The following FBXL20 variants were observed in gnomAD, a reference collection of about 807,000 sequenced individuals.
FBXL20 encodes F-box/LRR-repeat protein 20.
A neutral mutation model predicts 64.0 loss-of-function variants in FBXL20; 11 were observed. The ratio of observed to expected loss-of-function variants is 0.17; its 90% CI spans 0.11 to 0.28. The LOEUF (loss-of-function observed/expected upper bound fraction) is 0.28. FBXL20 is among the 10% of genes least tolerant of loss of function. FBXL20 has a pLI of 1.00. For synonymous variants in FBXL20, 184 were observed against 189.0 expected (o/e 0.97, Z 0.22); for missense variants, 303 against 526.2 (o/e 0.58, Z 4.15).
chr17:39,358,538 C>A (rs2047763703), intron 1 of FBXL20, among the ~76,000 whole-genome samples: 3 of 152,042 alleles, frequency 2.0e-5, no homozygotes, highest in Admixed American at 6.6e-5. Context: ...CAAAGATTAT[C>A]CGGGCGTGGT....
chr17:39,381,954 C>T (rs546448037), intron 1 of FBXL20, among the ~76,000 whole-genome samples: 3 of 151,336 alleles, frequency 2.0e-5, no homozygotes, highest in South Asian at 2.1e-4. Context: ...ATTAGCTGGG[C>T]GTGGTGGCAC....
intron 1 of FBXL20, among the ~76,000 whole-genome samples, chr17:39,355,619 G>A (rs1019221980): frequency 2.0e-5 from 3 of 152,170 alleles, no homozygotes; most frequent in Admixed American, 6.5e-5. Context: ...ACTTTGGGAG[G>A]CCAAGGCGGG....
rs1036474242 is a variant in FBXL20, at chr17:39,368,700, G to C, written c.43-25459C>G. Among the ~76,000 whole-genome samples the C allele has an allele frequency of 1.1e-3, 161 of 152,206 alleles. 1 individual carries two copies. Among genetic ancestry groups the C allele is most frequent in the African/African-American group, 3.7e-3 (155 of 41,542 alleles). On this transcript the variant is annotated intron_variant, in intron 1 of 14. Transcript: ENST00000264658. The stretch of plus-strand genomic sequence containing the variant: ...AGATGGTGTCTCGCTCTGTTGCCCA[G>C]GCTAGAGTGCAGTGGTGCAATCTTA...
At chr17:39,352,745 T>TGCGCTCGGCCTACATTTGTGTTTGTTTTG (rs2047699888) in intron 1 of FBXL20, among the ~76,000 whole-genome samples, 1 of 151,284 alleles carries the variant, frequency 6.6e-6, no homozygotes, top group Non-Finnish European at 1.5e-5. Flanking sequence ...CAGTGACCCC[T>TGCGCTCGGCCTACATTTGTGTTTGTTTTG]ATTGCTTAAA....
chr17:39,402,283 T>TGCC (rs951681719), upstream of FBXL20: 51 of 1,152,672 alleles, frequency 4.4e-5, no homozygotes, highest in South Asian at 2.2e-4. Flanking sequence ...CCTCCGCGGT[T>TGCC]GCCGCCGCCG....
intron 2 of FBXL20, among the ~76,000 whole-genome samples, chr17:39,339,165 C>CAAAAA (rs59901064): frequency 1.3e-4 from 9 of 67,996 alleles, no homozygotes; most frequent in African/African-American, 2.8e-4. Context: ...GACCCTGTCT[C>CAAAAA]AAAAAAAAAA....
chr17:39,401,632 C>T (rs1457995717), upstream of FBXL20: 34 of 1,382,668 alleles, frequency 2.5e-5, no homozygotes, highest in Non-Finnish European at 3.2e-5. Context: ...TCTCCTCAGC[C>T]TCAACTTCAA....
At chr17:39,385,236 C>CGCGT (rs2048067095) in intron 1 of FBXL20, among the ~76,000 whole-genome samples, 1 of 151,118 alleles carries the variant, frequency 6.6e-6, no homozygotes. Context: ...AACACACACG[C>CGCGT]GCGTGCGTGC....
intron 1 of FBXL20, among the ~76,000 whole-genome samples, chr17:39,395,639 G>A (rs892196622): frequency 6.6e-6 from 1 of 152,064 alleles, no homozygotes; most frequent in African/African-American, 2.4e-5. Context: ...CATTGCAAAG[G>A]TTTTCAAAAG....
chr17:39,275,853 A>G (rs1283837686), intron 9 of FBXL20, among the ~76,000 whole-genome samples: 2 of 152,234 alleles, frequency 1.3e-5, no homozygotes, highest in African/African-American at 4.8e-5. Flanking sequence ...TATCAGCCAC[A>G]GCATCCATTT....
rs117366423 is a variant in FBXL20, at chr17:39,314,277, G to C, written c.105-10638C>G. Among the ~76,000 whole-genome samples, 61 of 152,212 alleles carry C rather than the reference G, an allele frequency of 4.0e-4. 1 individual carries two copies. In the East Asian group the frequency reaches 0.011, roughly 27 times the overall value. Reference sequence around the variant, plus strand: ...TATTCATACTTCATTCCTTTTTATGGCGGAATAATATCCTACTGTATCCAT... The same window carrying C: ...TATTCATACTTCATTCCTTTTTATGCCGGAATAATATCCTACTGTATCCAT... On this transcript the variant is annotated intron_variant, in intron 2 of 14. Transcript: ENST00000264658.
intron 1 of FBXL20, among the ~76,000 whole-genome samples, chr17:39,392,751 C>T (rs1313077868): frequency 6.6e-6 from 1 of 151,488 alleles, no homozygotes; most frequent in African/African-American, 2.4e-5. Flanking sequence ...GGCGGCTCAC[C>T]CCTGTAATCC....
chr17:39,264,415 G>A (rs1437840457), intron 13 of FBXL20, 28 bp from the exon 14 acceptor site: 1 of 1,603,490 alleles, frequency 6.2e-7, no homozygotes, highest in East Asian at 2.2e-5. Context: ...AAGGAAGGAT[G>A]TTGAAATATC....
intron 1 of FBXL20, among the ~76,000 whole-genome samples, chr17:39,385,311 T>C (rs1187530547): frequency 1.4e-5 from 2 of 138,676 alleles, no homozygotes; most frequent in South Asian, 2.1e-4. Flanking sequence ...TGTGAGACCC[T>C]GTCTCTAGAA....
intron 1 of FBXL20, among the ~76,000 whole-genome samples, chr17:39,366,439 C>A (rs1019700856): frequency 2.0e-5 from 3 of 152,196 alleles, no homozygotes; most frequent in African/African-American, 7.2e-5. Flanking sequence ...ATTCCCTAGA[C>A]TGGCTACACA....
intron 1 of FBXL20, among the ~76,000 whole-genome samples, chr17:39,363,883 CTTTT>C (rs71147324): frequency 6.2e-5 from 3 of 48,666 alleles, no homozygotes; most frequent in African/African-American, 2.7e-4. Context: ...TGAATCATAT[CTTTT>C]TTTTTTTTTT....
intron 2 of FBXL20, among the ~76,000 whole-genome samples, chr17:39,304,214 G>T (rs2047161588): frequency 6.6e-6 from 1 of 151,552 alleles, no homozygotes. Flanking sequence ...TCTCTAGCTG[G>T]TTTTTTTAAA....
At chr17:39,343,497 A>G (rs1427509152) in intron 1 of FBXL20, among the ~76,000 whole-genome samples, 1 of 152,306 alleles carries the variant, frequency 6.6e-6, no homozygotes, top group East Asian at 1.9e-4. Context: ...AGATGTTTTC[A>G]CATATTAATG....
At chr17:39,376,030 AAG>A (rs1281265116) in intron 1 of FBXL20, among the ~76,000 whole-genome samples, 4 of 152,272 alleles carry the variant, frequency 2.6e-5, no homozygotes, top group Admixed American at 2.6e-4. Flanking sequence ...GAGGCAGAAG[AAG>A]AGCTTGAACC....
Sources: allele counts gnomAD v4.1 joint callset (sites outside exome capture counted in the v4.1 genomes callset), GRCh38; gene constraint gnomAD v4.1.1; transcripts MANE v1.5; gene names NCBI Gene and HGNC (gene_info 2026-07-23, HGNC 2026-07-21).